Variants in ATOSB observed in about 807,000 individuals in gnomAD.
The protein encoded by ATOSB is atos homolog B.
chr9:35,106,471 C>T, the ATOSB span: 5 of 1,610,068 alleles, frequency 3.1e-6, no homozygotes, highest in Non-Finnish European at 4.2e-6. The surrounding 1 kb of genome is among the most constrained non-coding windows in gnomAD (Gnocchi z 4.6). Context: ...CCTTATCCAT[C>T]CAAGCCACAT....
chr9:35,106,820 G>T, the ATOSB span: 1 of 1,564,152 alleles, frequency 6.4e-7, no homozygotes, highest in Admixed American at 1.9e-5. The surrounding 1 kb of genome is among the most constrained non-coding windows in gnomAD (Gnocchi z 4.6). Flanking sequence ...AGAGGAAAAA[G>T]CTGGTCACTT....
chr9:35,106,664 C>T, the ATOSB span: 1 of 1,532,332 alleles, frequency 6.5e-7, no homozygotes, highest in African/African-American at 1.4e-5. The surrounding 1 kb of genome is among the most constrained non-coding windows in gnomAD (Gnocchi z 4.6). Context: ...AAGGGAAACA[C>T]AGGGGGTTGG....
chr9:35,107,862 G>A, the ATOSB span: 1 of 1,595,770 alleles, frequency 6.3e-7, no homozygotes, highest in Non-Finnish European at 8.5e-7. Flanking sequence ...CCAGGCCCCC[G>A]AAGTCCAAGA....
chr9:35,113,578 C>T, the ATOSB span, among the ~76,000 whole-genome samples: 27 of 152,070 alleles, frequency 1.8e-4, no homozygotes, highest in South Asian at 4.8e-3. Flanking sequence ...GAGCCAAGAT[C>T]GCACCACTGC....
chr9:35,108,812 T>G, the ATOSB span: 4 of 356,472 alleles, frequency 1.1e-5, no homozygotes, highest in African/African-American at 6.6e-5. Context: ...TATAGGCTAA[T>G]AGTACACTCC....
the ATOSB span, chr9:35,104,555 C>T: frequency 2.8e-4 from 94 of 339,238 alleles, no homozygotes; most frequent in African/African-American, 2.1e-3. Flanking sequence ...CACACTCACA[C>T]ACACATACCA....
chr9:35,106,668 G>A, the ATOSB span: 8 of 1,526,060 alleles, frequency 5.2e-6, no homozygotes, highest in Admixed American at 2.0e-5. This position sits in a 1 kb window ranked among gnomAD's most constrained non-coding sequence, Gnocchi z 4.6. Context: ...GAAACACAGG[G>A]GGTTGGCTTG....
chr9:35,107,279 T>A, the ATOSB span: 2 of 1,344,434 alleles, frequency 1.5e-6, no homozygotes, highest in Non-Finnish European at 9.9e-7. Flanking sequence ...GCTGAGATTG[T>A]GCCACTGCAC....
chr9:35,110,646 T>G, the ATOSB span: 1 of 152,312 alleles, frequency 6.6e-6, no homozygotes, highest in Non-Finnish European at 1.5e-5. Context: ...ATCAAACAGC[T>G]GTGCCAGGCT....
chr9:35,112,541 C>G, the ATOSB span: 1 of 152,282 alleles, frequency 6.6e-6, no homozygotes. Context: ...ATCCCTAACC[C>G]TTGTCCTCCT....
the ATOSB span, chr9:35,107,536 C>T: frequency 6.3e-7 from 1 of 1,599,582 alleles, no homozygotes; most frequent in South Asian, 1.1e-5. Flanking sequence ...GCTTCTCCAG[C>T]AGGAAGCAGC....
the ATOSB span, among the ~76,000 whole-genome samples, chr9:35,115,073 C>T: frequency 6.6e-6 from 1 of 151,876 alleles, no homozygotes; most frequent in Non-Finnish European, 1.5e-5. Flanking sequence ...GAGACCAAGG[C>T]CGGCTCTGGG....
the ATOSB span, chr9:35,105,313 G>A: frequency 1.9e-6 from 3 of 1,613,924 alleles, no homozygotes; most frequent in African/African-American, 1.3e-5. The surrounding 1 kb of genome is among the most constrained non-coding windows in gnomAD (Gnocchi z 5.5). Flanking sequence ...AGGCTCCGGC[G>A]GGAAAAAAGC....
At chr9:35,108,106 C>A in the ATOSB span, 1 of 1,555,162 alleles carries the variant, frequency 6.4e-7, no homozygotes, top group Non-Finnish European at 8.7e-7. Flanking sequence ...GAGGTACCAG[C>A]CGGAGGGGAA....
chr9:35,108,713 T>G, the ATOSB span: 2 of 995,138 alleles, frequency 2.0e-6, no homozygotes, highest in Non-Finnish European at 2.4e-6. Context: ...CACCATTCCG[T>G]GCAGCTCCTG....
the ATOSB span, chr9:35,106,521 A>C: frequency 6.3e-7 from 1 of 1,586,350 alleles, no homozygotes; most frequent in South Asian, 1.1e-5. The surrounding 1 kb of genome is among the most constrained non-coding windows in gnomAD (Gnocchi z 4.6). Flanking sequence ...GCAATCACAA[A>C]CCCCAACGGG....
chr9:35,108,208 C>G, the ATOSB span: 1 of 1,592,416 alleles, frequency 6.3e-7, no homozygotes, highest in Non-Finnish European at 8.5e-7. Context: ...CCCTGCCTGA[C>G]TGGAGGCTGT....
chr9:35,105,330 A>G, the ATOSB span: 2 of 1,614,112 alleles, frequency 1.2e-6, no homozygotes, highest in South Asian at 2.2e-5. This position sits in a 1 kb window ranked among gnomAD's most constrained non-coding sequence, Gnocchi z 5.5. Flanking sequence ...AAGCAGGCGG[A>G]TATCTCCATG....
the ATOSB span, chr9:35,105,195 C>T: frequency 6.3e-7 from 1 of 1,593,352 alleles, no homozygotes; most frequent in Non-Finnish European, 8.6e-7. This position sits in a 1 kb window ranked among gnomAD's most constrained non-coding sequence, Gnocchi z 5.5. Context: ...AGGTCATTAG[C>T]CCGCATGGGT....
Sources: gnomAD v4.1 joint callset for allele counts (sites outside exome capture counted in the v4.1 genomes callset) on GRCh38, gnomAD v4.1.1 for gene constraint, Gnocchi (gnomAD v3.1) non-coding constraint, MANE v1.5 for transcripts, NCBI Gene and HGNC (gene_info 2026-07-23, HGNC 2026-07-21) for gene names.